GSG1L: variants seen among roughly 807,000 people sequenced by gnomAD.
The protein encoded by GSG1L is GSG1 like.
Under a neutral mutation model 42.1 loss-of-function variants are expected in GSG1L, and 24 were observed. The ratio of observed to expected loss-of-function variants is 0.57; its 90% CI spans 0.41 to 0.80. The LOEUF is 0.80. Ranked by LOEUF, GSG1L falls within the 30% of genes least tolerant of loss-of-function variation. GSG1L has a pLI of 0.00. For synonymous variants in GSG1L, 215 were observed against 203.5 expected (o/e 1.06, Z -0.48); for missense variants, 445 against 472.2 (o/e 0.94, Z 0.53).
At chr16:27,821,149 GT>G (rs1344865522) in intron 5 of GSG1L, among the ~76,000 whole-genome samples, 15 of 152,186 alleles carry the variant, frequency 9.9e-5, no homozygotes, top group Non-Finnish European at 1.9e-4. Flanking sequence ...GTGCCACCCA[GT>G]TGCACTTTGC....
At position 27,884,759 on chromosome 16, in the gene GSG1L, G is replaced by T; in HGVS notation, c.398-121C>A. The T allele has an allele frequency of 1.0e-6, 1 of 1,002,130 alleles. No individual in the cohort carries two copies. The allele number at this position is 1,002,130 out of a possible 1,614,324, so 62.1% of individuals were successfully genotyped here. On this transcript the variant is annotated intron_variant, in intron 2 of 6. Coordinates refer to ENST00000447459, the MANE Select transcript of GSG1L (RefSeq NM_001109763.2). This position sits in a 1 kb window ranked among gnomAD's most constrained non-coding sequence, Gnocchi z 4.4. ...TCATTCTAGAATAGAACCTGGTTCT[G>T]GGGGAGGTCCTGATGGAAGCCTGTC...
intron 1 of GSG1L, among the ~76,000 whole-genome samples, chr16:28,054,746 T>C (rs534900843): frequency 2.8e-4 from 42 of 152,234 alleles, no homozygotes; most frequent in African/African-American, 9.4e-4. Context: ...AACTCTGGCC[T>C]AGAAGTTGCA....
At chr16:28,013,463 G>T (rs1460390269) in intron 1 of GSG1L, among the ~76,000 whole-genome samples, 1 of 152,128 alleles carries the variant, frequency 6.6e-6, no homozygotes, top group Admixed American at 6.5e-5. Flanking sequence ...AATGTTTGGG[G>T]GTGGAGCAAC....
intron 5 of GSG1L, among the ~76,000 whole-genome samples, chr16:27,823,497 C>T (rs901341800): frequency 2.0e-5 from 3 of 152,118 alleles, no homozygotes; most frequent in Non-Finnish European, 4.4e-5. Flanking sequence ...AGTTTAATTT[C>T]TTCCTGTCCA....
At chr16:27,949,571 G>A (rs1452006224) in intron 2 of GSG1L, among the ~76,000 whole-genome samples, 2 of 152,088 alleles carry the variant, frequency 1.3e-5, no homozygotes, top group Non-Finnish European at 2.9e-5. Context: ...AGTGAGCTAC[G>A]ATTGCACCAC....
intron 4 of GSG1L, among the ~76,000 whole-genome samples, chr16:27,833,834 T>G (rs78050155): frequency 0.014 from 2,178 of 152,304 alleles, 52 homozygotes; most frequent in African/African-American, 0.051. Context: ...CTAGGCAATT[T>G]TTTTGGTAGA....
rs574844723 is a variant in GSG1L at position 28,059,760 on chromosome 16, A to C, written c.349+3316T>G. 1.3e-5 allele frequency among the ~76,000 whole-genome samples: 2 copies of C among 151,952 alleles called. No homozygotes were observed. Among genetic ancestry groups the C allele is most frequent in the Non-Finnish European group, 2.9e-5 (2 of 67,972 alleles). On this transcript the variant is annotated intron_variant, in intron 1 of 6. Coordinates refer to ENST00000447459, the MANE Select transcript of GSG1L (RefSeq NM_001109763.2). The surrounding 1 kb of genome is among the most constrained non-coding windows in gnomAD (Gnocchi z 4.4). Reference sequence around the variant, plus strand: ...CAATTTGTGTGAAGGGCTTGGGGTGACTCTGTGTCGAGGCCACGCTTCCCT... The same window carrying C: ...CAATTTGTGTGAAGGGCTTGGGGTGCCTCTGTGTCGAGGCCACGCTTCCCT...
At chr16:28,005,147 C>T (rs753357559) in intron 1 of GSG1L, among the ~76,000 whole-genome samples, 17 of 152,090 alleles carry the variant, frequency 1.1e-4, no homozygotes, top group Non-Finnish European at 1.6e-4. Flanking sequence ...GAGTTTTGCT[C>T]TTGTTGCCCA....
chr16:27,933,565 C>T (rs1482527978), intron 2 of GSG1L, among the ~76,000 whole-genome samples: 1 of 143,838 alleles, frequency 7.0e-6, no homozygotes, highest in African/African-American at 2.6e-5. Context: ...AGGAGGATTG[C>T]TTGAGTCCAG....
chr16:27,872,254 A>G (rs1463109498), intron 3 of GSG1L, among the ~76,000 whole-genome samples: 1 of 152,176 alleles, frequency 6.6e-6, no homozygotes, highest in Non-Finnish European at 1.5e-5. Context: ...TGAAGTTACC[A>G]GCCTCATTCT....
intron 3 of GSG1L, among the ~76,000 whole-genome samples, chr16:27,881,877 C>G (rs1163872384): frequency 6.6e-6 from 1 of 152,096 alleles, no homozygotes; most frequent in Non-Finnish European, 1.5e-5. Context: ...CCTGTCCCTG[C>G]CCTCACCCAT....
chr16:27,810,001 G>T (rs956315427), intron 5 of GSG1L, among the ~76,000 whole-genome samples: 1 of 152,248 alleles, frequency 6.6e-6, no homozygotes, highest in African/African-American at 2.4e-5. Context: ...AGAAGGGAGA[G>T]AGATACTCAT....
intron 3 of GSG1L, among the ~76,000 whole-genome samples, chr16:27,880,666 C>G (rs1645363): frequency 0.63 from 95,364 of 151,994 alleles, 30,529 homozygotes; most frequent in Admixed American, 0.75. Flanking sequence ...TAGAAACTTT[C>G]AGAACCCCTT....
chr16:27,854,171 C>T lies in GSG1L; in HGVS notation c.551-9110G>A, dbSNP rs537927554. 5.2e-4 allele frequency among the ~76,000 whole-genome samples: 74 copies of T among 142,130 alleles called. 1 individual carries two copies. The highest frequency in any genetic ancestry group is 1.4e-3 in the African/African-American group (53 of 37,922). The allele number at this position is 142,130 out of a possible 152,430, so 93.2% of individuals were successfully genotyped here. On this transcript the variant is annotated intron_variant, in intron 3 of 6. Transcript: ENST00000447459. ...GTTGCTCGCCTGGAGGGGACTGGGACGCAGGGGAGGAAGAGGAGGAGGGGA... is the reference window on the plus strand; with the variant it reads ...GTTGCTCGCCTGGAGGGGACTGGGATGCAGGGGAGGAAGAGGAGGAGGGGA...
intron 6 of GSG1L, among the ~76,000 whole-genome samples, chr16:27,794,003 C>T (rs1469909365): frequency 6.8e-6 from 1 of 146,660 alleles, no homozygotes; most frequent in East Asian, 1.9e-4. Context: ...TCTTCCTAAA[C>T]TGTTTTTTTG....
chr16:27,821,862 C>T (rs2083154195), intron 5 of GSG1L, among the ~76,000 whole-genome samples: 1 of 152,092 alleles, frequency 6.6e-6, no homozygotes, highest in Non-Finnish European at 1.5e-5. Flanking sequence ...AGAGATCACG[C>T]CACTGCACTC....
chr16:27,860,317 G>A (rs1456200461), intron 3 of GSG1L, among the ~76,000 whole-genome samples: 1 of 152,178 alleles, frequency 6.6e-6, no homozygotes, highest in Non-Finnish European at 1.5e-5. Context: ...GGGCTTGGTC[G>A]GGCAGGAAGA....
intron 1 of GSG1L, among the ~76,000 whole-genome samples, chr16:27,968,121 A>G (rs531001974): frequency 6.6e-6 from 1 of 152,204 alleles, no homozygotes; most frequent in Admixed American, 6.5e-5. Context: ...TCAAAACATA[A>G]TAATAAGAAT....
chr16:28,061,459 A>G (rs543866137), intron 1 of GSG1L, among the ~76,000 whole-genome samples: 1 of 152,298 alleles, frequency 6.6e-6, no homozygotes, highest in Admixed American at 6.5e-5. Context: ...AAGTCACAGA[A>G]AAGTTTGGTC....
Sources: gnomAD v4.1 joint callset for allele counts (sites outside exome capture counted in the v4.1 genomes callset) on GRCh38, gnomAD v4.1.1 for gene constraint, Gnocchi (gnomAD v3.1) non-coding constraint, MANE v1.5 for transcripts, NCBI Gene and HGNC (gene_info 2026-07-23, HGNC 2026-07-21) for gene names.